The following ACAD11 variants were observed in gnomAD, a reference collection of about 807,000 sequenced individuals.
ACAD11 encodes acyl-Coenzyme A dehydrogenase family, member 11.
In ACAD11, 83 loss-of-function variants were observed where a neutral mutation model predicts 102.2. The observed-to-expected ratio is 0.81, with a 90% CI of 0.68 to 0.97. The LOEUF is 0.97. Among genes scored for constraint, ACAD11 ranks in the 50% least tolerant of loss-of-function variants. The pLI, the probability that ACAD11 is intolerant of heterozygous loss-of-function variation, is 0.00. For synonymous variants in ACAD11, 324 were observed against 319.8 expected (o/e 1.01, Z -0.14); for missense variants, 901 against 951.7 (o/e 0.95, Z 0.70).
Position 132,561,220 on chromosome 3 carries a change from A to G in ACAD11, c.2002-3T>C. ...GCAATCCAGTGAGCCACAACCTCCT[A>G]TAGGGGAGGAAAAGGCAGCAAAAGA... On this transcript the variant is annotated splice_polypyrimidine_tract_variant and splice_region_variant and intron_variant, in intron 17 of 19. Coordinates refer to ENST00000264990, the MANE Select transcript of ACAD11 (RefSeq NM_032169.5). The G allele has an allele frequency of 1.9e-6, 3 of 1,610,212 alleles. No homozygotes were observed. Among genetic ancestry groups the G allele is most frequent in the Non-Finnish European group, 2.5e-6 (3 of 1,176,946 alleles).
chr3:132,559,169 C>T, intron 19 of ACAD11, 84 bp from the exon 20 acceptor site: 1 of 933,154 alleles, frequency 1.1e-6, no homozygotes, highest in Non-Finnish European at 1.7e-6. Flanking sequence ...TGATTGTCAA[C>T]CAAGACTATA....
At chr3:132,581,281 G>A (rs1937593519) in intron 13 of ACAD11, among the ~76,000 whole-genome samples, 1 of 151,932 alleles carries the variant, frequency 6.6e-6, no homozygotes, top group Non-Finnish European at 1.5e-5. Flanking sequence ...TGTAATGGAA[G>A]AATAAATACA....
At chr3:132,579,907 G>A (rs894945648) in intron 13 of ACAD11, among the ~76,000 whole-genome samples, 7 of 152,180 alleles carry the variant, frequency 4.6e-5, no homozygotes, top group Admixed American at 1.3e-4. Context: ...ATATGTCAAC[G>A]TATATGAGGC....
chr3:132,614,435 C>T (rs1382244187), intron 11 of ACAD11, among the ~76,000 whole-genome samples: 2 of 152,100 alleles, frequency 1.3e-5, no homozygotes, highest in African/African-American at 2.4e-5. Flanking sequence ...TACTACGAGG[C>T]TACAGTAACA....
intron 11 of ACAD11, among the ~76,000 whole-genome samples, chr3:132,612,621 A>G (rs1396474062): frequency 3.9e-5 from 6 of 152,134 alleles, no homozygotes; most frequent in Admixed American, 3.9e-4. Context: ...AAACACATGA[A>G]AAAGCACTCA....
intron 14 of ACAD11, chr3:132,579,125 G>A: frequency 7.6e-7 from 1 of 1,309,922 alleles, no homozygotes; most frequent in Non-Finnish European, 1.0e-6. Flanking sequence ...CTCAACAATG[G>A]TAACTGGGAA....
chr3:132,575,487 G>C (rs1378677067), intron 17 of ACAD11, among the ~76,000 whole-genome samples: 1 of 152,164 alleles, frequency 6.6e-6, no homozygotes, highest in East Asian at 1.9e-4. Context: ...TCCACAGGGA[G>C]CTCTAATGTT....
At chr3:132,575,550 T>C (rs1349484240) in intron 17 of ACAD11, among the ~76,000 whole-genome samples, 1 of 152,188 alleles carries the variant, frequency 6.6e-6, no homozygotes, top group Non-Finnish European at 1.5e-5. Flanking sequence ...CTGTCTACAC[T>C]CTTGTGTGCA....
intron 1 of ACAD11, among the ~76,000 whole-genome samples, chr3:132,656,962 T>C (rs1267736130): frequency 1.3e-5 from 2 of 152,172 alleles, no homozygotes; most frequent in African/African-American, 4.8e-5. Context: ...TCTGAATATT[T>C]TAACCATTAT....
In ACAD11 at chr3:132,633,930, G is replaced by T. The variant is rs1375189053; in HGVS notation, c.703-2451C>A. Among the ~76,000 whole-genome samples, 4 of 151,874 alleles carry T rather than the reference G, an allele frequency of 2.6e-5. No homozygotes were observed. The East Asian group carries it at 7.7e-4, about 29-fold the overall frequency. On this transcript the variant is annotated intron_variant, in intron 5 of 19. Coordinates refer to ENST00000264990, the MANE Select transcript of ACAD11 (RefSeq NM_032169.5). Reference sequence around the variant, plus strand: ...TTCAAGATGGATTAAAGACTTACATGTTAGACCTAAAACCATAAAAACCCT... The same window carrying T: ...TTCAAGATGGATTAAAGACTTACATTTTAGACCTAAAACCATAAAAACCCT...
At chr3:132,627,121 A>C in intron 8 of ACAD11, 2 of 191,482 alleles carry the variant, frequency 1.0e-5, no homozygotes, top group East Asian at 1.4e-4. Flanking sequence ...CATGCCCACA[A>C]TGGACTGGGG....
In ACAD11 at chr3:132,559,056, G is replaced by C; in HGVS notation, c.2258C>G (p.Ala753Gly). 6.2e-7 allele frequency: 1 copy of C among 1,613,586 alleles called. No individual in the cohort carries two copies. The highest frequency in any genetic ancestry group is 8.5e-7 in the Non-Finnish European group (1 of 1,179,690). Residue 753 changes from alanine to glycine, a missense_variant, in exon 20 of 20, where the codon GCA becomes GGA. By Grantham distance (60) the Ala-to-Gly change is moderately conservative. Coordinates refer to ENST00000264990, the MANE Select transcript of ACAD11 (RefSeq NM_032169.5). Reference protein sequence around the residue: ...MYAITRVLRLADGPDEVHLSA... With the variant: ...MYAITRVLRLGDGPDEVHLSA... ...AAGATGAACTTCGTCAGGTCCATCT[G>C]CTAAACGCAAAACTCGGGTTATAGC...
chr3:132,595,213 C>T (rs957593104), intron 13 of ACAD11, among the ~76,000 whole-genome samples: 4 of 152,154 alleles, frequency 2.6e-5, no homozygotes, highest in Non-Finnish European at 5.9e-5. Flanking sequence ...TTTGCAATTA[C>T]TAAGACAGAG....
intron 17 of ACAD11, among the ~76,000 whole-genome samples, chr3:132,563,229 G>A (rs1268479693): frequency 6.6e-6 from 1 of 152,206 alleles, no homozygotes; most frequent in Non-Finnish European, 1.5e-5. Context: ...TAAGTCTTAA[G>A]ATTAGGTAGT....
At chr3:132,599,646 C>T (rs1370403808) in intron 13 of ACAD11, among the ~76,000 whole-genome samples, 1 of 152,064 alleles carries the variant, frequency 6.6e-6, no homozygotes, top group Admixed American at 6.6e-5. Flanking sequence ...ACTTGGAAGG[C>T]AGAATCAGAA....
At chr3:132,647,116 CAATT>C (rs1474090803) in intron 1 of ACAD11, 9 of 152,102 alleles carry the variant, frequency 5.9e-5, no homozygotes, top group Non-Finnish European at 1.2e-4. Flanking sequence ...CAAACAAAAA[CAATT>C]AAAAGTTTCT....
intron 13 of ACAD11, among the ~76,000 whole-genome samples, chr3:132,592,085 C>T (rs193290041): frequency 9.9e-5 from 15 of 152,108 alleles, no homozygotes; most frequent in Non-Finnish European, 2.9e-5. Flanking sequence ...CTGTTGTCAT[C>T]ATGAAGTAGA....
At chr3:132,642,262 A>T (rs1940554764) in intron 3 of ACAD11, 129 bp from the exon 4 acceptor site, 7 of 841,120 alleles carry the variant, frequency 8.3e-6, no homozygotes, top group Non-Finnish European at 1.2e-5. Flanking sequence ...AAATAAAAGG[A>T]TATGCCAAGA....
At chr3:132,609,982 A>G (rs1361938220) in intron 11 of ACAD11, among the ~76,000 whole-genome samples, 5 of 152,236 alleles carry the variant, frequency 3.3e-5, no homozygotes, top group Admixed American at 6.5e-5. Context: ...ACATATGCAA[A>G]CCAATCGATG....
Sources: allele counts gnomAD v4.1 joint callset (sites outside exome capture counted in the v4.1 genomes callset), GRCh38; gene constraint gnomAD v4.1.1; transcripts MANE v1.5; gene names NCBI Gene and HGNC (gene_info 2026-07-23, HGNC 2026-07-21).